The following DCC variants were observed in gnomAD, a reference collection of about 807,000 sequenced individuals.
DCC encodes DCC netrin 1 receptor, also known as netrin receptor DCC.
Under a neutral mutation model 172.5 loss-of-function variants are expected in DCC, and 58 were observed. The ratio of observed to expected loss-of-function variants is 0.34; its 90% CI spans 0.27 to 0.42. The LOEUF (loss-of-function observed/expected upper bound fraction) is 0.42, where lower values mean the gene tolerates loss of function less well. DCC is among the 10% of genes least tolerant of loss of function. DCC has a pLI of 1.00. For missense variants in DCC, 1,740 were observed against 1,791.0 expected (o/e 0.97, Z 0.51); for synonymous variants, 709 against 644.5 (o/e 1.10, Z -1.52).
chr18:52,840,905 A>C (rs999763333), intron 2 of DCC, among the ~76,000 whole-genome samples: 7 of 152,194 alleles, frequency 4.6e-5, no homozygotes, highest in African/African-American at 1.2e-4. Flanking sequence ...GGAAGGAGAA[A>C]TGATAAACAG....
At chr18:52,523,700 G>A (rs2031891473) in intron 1 of DCC, among the ~76,000 whole-genome samples, 1 of 152,142 alleles carries the variant, frequency 6.6e-6, no homozygotes, top group African/African-American at 2.4e-5. Context: ...ACAAAGCCCT[G>A]TTGCAAATTG....
intron 15 of DCC, among the ~76,000 whole-genome samples, chr18:53,385,109 A>G (rs886549309): frequency 7.2e-6 from 1 of 138,784 alleles, no homozygotes; most frequent in Non-Finnish European, 1.6e-5. Context: ...GCTTACATTT[A>G]TGTAATTTGT....
intron 2 of DCC, among the ~76,000 whole-genome samples, chr18:52,783,394 A>G (rs1439365661): frequency 1.6e-5 from 2 of 122,142 alleles, no homozygotes; most frequent in African/African-American, 3.4e-5. Flanking sequence ...TAAAAATGCT[A>G]TTGCTTTACA....
At chr18:53,128,866 C>CATATATAT (rs1304598836) in intron 7 of DCC, among the ~76,000 whole-genome samples, 3 of 86,926 alleles carry the variant, frequency 3.5e-5, no homozygotes, top group East Asian at 4.9e-4. Context: ...CACACACACA[C>CATATATAT]ACACATATAT....
At chr18:53,253,481 GTCC>G (rs1374521532) in intron 12 of DCC, among the ~76,000 whole-genome samples, 1 of 152,008 alleles carries the variant, frequency 6.6e-6, no homozygotes, top group East Asian at 1.9e-4. Flanking sequence ...GATTCTGAAT[GTCC>G]TCTTAGGTTG....
chr18:53,412,929 T>C (rs991391949), intron 20 of DCC, among the ~76,000 whole-genome samples: 1 of 152,162 alleles, frequency 6.6e-6, no homozygotes, highest in Non-Finnish European at 1.5e-5. Context: ...CTTTGGAATG[T>C]TAATTAAAAG....
At chr18:52,708,401 C>T (rs1461280061) in intron 1 of DCC, among the ~76,000 whole-genome samples, 1 of 150,066 alleles carries the variant, frequency 6.7e-6, no homozygotes, top group African/African-American at 2.5e-5. Flanking sequence ...CAGATTGCAC[C>T]ACTGCACTCC....
intron 1 of DCC, among the ~76,000 whole-genome samples, chr18:52,636,924 C>G (rs547460581): frequency 2.6e-5 from 4 of 152,260 alleles, no homozygotes; most frequent in Admixed American, 1.3e-4. Flanking sequence ...GTCCTGCACC[C>G]CCGCCACCTC....
At chr18:52,625,283 T>C (rs1426546550) in intron 1 of DCC, among the ~76,000 whole-genome samples, 1 of 152,120 alleles carries the variant, frequency 6.6e-6, no homozygotes, top group African/African-American at 2.4e-5. Context: ...TCTTTTTGAA[T>C]GGTGTAAAAC....
At chr18:53,052,970 G>A (rs191025168) in intron 5 of DCC, among the ~76,000 whole-genome samples, 12 of 151,964 alleles carry the variant, frequency 7.9e-5, no homozygotes, top group East Asian at 1.9e-4. Context: ...TGGCAAAACC[G>A]TGTCTCCACT....
At chr18:53,435,242 T>A (rs979705399) in intron 22 of DCC, 33 bp downstream of exon 22, 1 of 1,350,046 alleles carries the variant, frequency 7.4e-7, no homozygotes, top group Non-Finnish European at 1.1e-6. Flanking sequence ...ATTGAATTAG[T>A]TATATTAATT....
chr18:53,458,928 G>T (rs569958444), intron 23 of DCC, among the ~76,000 whole-genome samples: 1 of 152,262 alleles, frequency 6.6e-6, no homozygotes, highest in East Asian at 1.9e-4. Context: ...ATTGGCATAT[G>T]GTTCCATCTA....
At chr18:52,930,729 G>T (rs1158695587) in intron 5 of DCC, among the ~76,000 whole-genome samples, 1 of 151,942 alleles carries the variant, frequency 6.6e-6, no homozygotes, top group Non-Finnish European at 1.5e-5. Flanking sequence ...TACATTTATT[G>T]AAACATTTAT....
intron 7 of DCC, among the ~76,000 whole-genome samples, chr18:53,126,899 A>T (rs1193662247): frequency 6.6e-6 from 1 of 152,152 alleles, no homozygotes; most frequent in Non-Finnish European, 1.5e-5. Context: ...CTACTTCAGA[A>T]TTATTTTATC....
intron 1 of DCC, among the ~76,000 whole-genome samples, chr18:52,448,536 G>A (rs1988199054): frequency 6.6e-6 from 1 of 152,052 alleles, no homozygotes; most frequent in African/African-American, 2.4e-5. Flanking sequence ...ACATTTAAAG[G>A]CTTTTGAGAC....
chr18:52,984,828 C>T (rs1568227726), intron 5 of DCC, among the ~76,000 whole-genome samples: 1 of 152,028 alleles, frequency 6.6e-6, no homozygotes. Flanking sequence ...TCAAGCATGA[C>T]GGTCAAATAG....
At chr18:53,238,402 T>C (rs1473787111) in intron 12 of DCC, among the ~76,000 whole-genome samples, 1 of 152,202 alleles carries the variant, frequency 6.6e-6, no homozygotes, top group East Asian at 1.9e-4. Context: ...ATCTTTTAGT[T>C]ATGCATATTA....
At chr18:52,394,307 C>T (rs1034386577) in intron 1 of DCC, among the ~76,000 whole-genome samples, 1 of 152,010 alleles carries the variant, frequency 6.6e-6, no homozygotes, top group African/African-American at 2.4e-5. Context: ...CACTCTGTTG[C>T]CCAGGCTGGA....
intron 1 of DCC, among the ~76,000 whole-genome samples, chr18:52,473,023 GA>G: frequency 6.6e-6 from 1 of 152,288 alleles, no homozygotes. Context: ...ATTTTATTTA[GA>G]AAAGTTCATT....
Sources: gnomAD v4.1 joint callset for allele counts (sites outside exome capture counted in the v4.1 genomes callset) on GRCh38, gnomAD v4.1.1 for gene constraint, MANE v1.5 for transcripts, NCBI Gene and HGNC (gene_info 2026-07-23, HGNC 2026-07-21) for gene names.